METTL9: variants seen among roughly 807,000 people sequenced by gnomAD.
METTL9 encodes the protein protein-L-histidine N-pros-methyltransferase.
In METTL9, 10 loss-of-function variants were observed where a neutral mutation model predicts 36.0. That is an observed-to-expected ratio of 0.28 (90% CI 0.17 to 0.47). METTL9 has a LOEUF of 0.47. Among genes scored for constraint, METTL9 ranks in the 20% least tolerant of loss-of-function variants. The probability of loss-of-function intolerance (pLI) is 0.99; values close to 1 mark genes in which losing one functional copy is unlikely to be tolerated. For synonymous variants in METTL9, 175 were observed against 149.7 expected (o/e 1.17, Z -1.23); for missense variants, 246 against 383.5 (o/e 0.64, Z 3.00).
chr16:21,656,679 A>T lies in METTL9; in HGVS notation c.*1247A>T, dbSNP rs929988244. On this transcript the variant is annotated 3_prime_UTR_variant, in exon 5 of 5. Transcript: ENST00000358154. ...TCCTCACTACTTTATTTCTTTTTTCATCCAGGTGTTTCATTAAGTATTCTC... is the reference window on the plus strand; with the variant it reads ...TCCTCACTACTTTATTTCTTTTTTCTTCCAGGTGTTTCATTAAGTATTCTC... 2 of 152,158 alleles carry T rather than the reference A, an allele frequency of 1.3e-5. No individual in the cohort carries two copies. Among genetic ancestry groups the T allele is most frequent in the African/African-American group, 4.8e-5 (2 of 41,436 alleles). The allele number at this position is 152,158 out of a possible 1,614,324, so 9.4% of individuals were successfully genotyped here.
At chr16:21,644,277 G>C in intron 4 of METTL9, 1 of 1,547,458 alleles carries the variant, frequency 6.5e-7, no homozygotes, top group Non-Finnish European at 8.9e-7. Context: ...CCATGCAAGA[G>C]GATTTGACTT....
intron 4 of METTL9, chr16:21,642,105 T>G (rs1185135636): frequency 6.6e-6 from 1 of 152,226 alleles, no homozygotes; most frequent in Non-Finnish European, 1.5e-5. Context: ...TAGAGAAGAT[T>G]AGCATGGCCC....
At chr16:21,597,255 G>C (rs781001272), upstream of METTL9, 10 of 1,288,848 alleles carry the variant, frequency 7.8e-6, no homozygotes, top group South Asian at 1.1e-4. Flanking sequence ...AAGCTTCTTA[G>C]ATGGATCGAA....
chr16:21,629,665 A>C (rs1192054540), intron 4 of METTL9, among the ~76,000 whole-genome samples: 1 of 152,196 alleles, frequency 6.6e-6, no homozygotes, highest in Admixed American at 6.5e-5. Flanking sequence ...ACGGACCCAA[A>C]GCGTGAGCAG....
intron 4 of METTL9, among the ~76,000 whole-genome samples, chr16:21,631,978 CTCTT>C (rs972545259): frequency 1.3e-5 from 2 of 152,208 alleles, no homozygotes; most frequent in African/African-American, 2.4e-5. Context: ...TTGACTTTGT[CTCTT>C]TCTTTCTTTC....
Position 21,620,452 on chromosome 16 carries a change from C to G in METTL9, c.566+2378C>G, listed in dbSNP as rs562757240. Among the ~76,000 whole-genome samples, 9 of 152,276 alleles carry G rather than the reference C, an allele frequency of 5.9e-5. No homozygotes were observed. In the South Asian group the frequency reaches 1.9e-3, roughly 32 times the overall value. On this transcript the variant is annotated intron_variant, in intron 3 of 4. Transcript: ENST00000358154. ...TTCCACCTCCCCCCCTTAAAAAAAT[C>G]CATGCTTTGAAGTGGGTCGAAGAGG...
chr16:21,626,219 T>G (rs1965811464), intron 4 of METTL9, among the ~76,000 whole-genome samples: 2 of 152,184 alleles, frequency 1.3e-5, no homozygotes. Context: ...ATCTTCAGAT[T>G]TTCTATTTCA....
At chr16:21,630,497 GT>G (rs1401196376) in intron 4 of METTL9, among the ~76,000 whole-genome samples, 1 of 152,228 alleles carries the variant, frequency 6.6e-6, no homozygotes, top group Non-Finnish European at 1.5e-5. Context: ...CTAGCACGTT[GT>G]CACCTCTCAA....
chr16:21,646,699 G>A (rs1020519386), intron 4 of METTL9: 7 of 254,034 alleles, frequency 2.8e-5, no homozygotes, highest in African/African-American at 1.3e-4. Context: ...TTGTTGCCCA[G>A]ACTGGAGTGC....
At chr16:21,627,385 T>G (rs535383367) in intron 4 of METTL9, 4 of 985,152 alleles carry the variant, frequency 4.1e-6, no homozygotes, top group East Asian at 1.1e-4. Context: ...ACAGCAGTTT[T>G]GCTATTTGGA....
chr16:21,634,742 C>T (rs1358862309), intron 4 of METTL9, among the ~76,000 whole-genome samples: 1 of 152,134 alleles, frequency 6.6e-6, no homozygotes, highest in African/African-American at 2.4e-5. Context: ...GATCAATTGA[C>T]CCTTGAGTGA....
upstream of METTL9, chr16:21,599,337 C>T (rs1965027377): frequency 2.0e-5 from 19 of 927,540 alleles, no homozygotes; most frequent in South Asian, 4.5e-5. The surrounding 1 kb of genome is among the most constrained non-coding windows in gnomAD (Gnocchi z 4.4). Flanking sequence ...AAAATTAAAA[C>T]CACCTCCGCC....
At chr16:21,652,725 A>C in intron 4 of METTL9, 1 of 666,270 alleles carries the variant, frequency 1.5e-6, no homozygotes, top group Non-Finnish European at 2.6e-6. Context: ...AACTTTTTGA[A>C]ATTGTGCAAG....
At chr16:21,600,603 T>C (rs1205581577) in intron 1 of METTL9, among the ~76,000 whole-genome samples, 2 of 152,152 alleles carry the variant, frequency 1.3e-5, no homozygotes, top group Non-Finnish European at 2.9e-5. Flanking sequence ...GAAGGGTTTT[T>C]AAAACAGAAC....
At chr16:21,616,459 G>A (rs1027427727) in intron 2 of METTL9, among the ~76,000 whole-genome samples, 2 of 152,178 alleles carry the variant, frequency 1.3e-5, no homozygotes, top group African/African-American at 4.8e-5. Context: ...GAATTTCAGA[G>A]CTAGAAAACA....
intron 4 of METTL9, chr16:21,644,312 A>G: frequency 6.2e-7 from 1 of 1,613,406 alleles, no homozygotes; most frequent in Non-Finnish European, 8.5e-7. Flanking sequence ...TATGAAGGCC[A>G]CGCACACACC....
intron 1 of METTL9, among the ~76,000 whole-genome samples, chr16:21,601,296 T>C (rs1293698674): frequency 1.3e-5 from 2 of 152,194 alleles, no homozygotes; most frequent in Non-Finnish European, 2.9e-5. Flanking sequence ...CCGTTGACTG[T>C]ACAGTTACCA....
chr16:21,647,349 C>T (rs781448340), intron 4 of METTL9: 7 of 1,614,064 alleles, frequency 4.3e-6, no homozygotes, highest in Admixed American at 3.3e-5. Context: ...TGGTGAGCAC[C>T]GTAGCGAAAC....
chr16:21,610,004 T>C (rs1350578929), intron 1 of METTL9, among the ~76,000 whole-genome samples: 1 of 152,168 alleles, frequency 6.6e-6, no homozygotes, highest in Non-Finnish European at 1.5e-5. Context: ...ATAATTCACA[T>C]ACCATGAAAT....
Sources: allele counts gnomAD v4.1 joint callset (sites outside exome capture counted in the v4.1 genomes callset), GRCh38; gene constraint gnomAD v4.1.1; non-coding constraint Gnocchi (gnomAD v3.1); transcripts MANE v1.5; gene names NCBI Gene and HGNC (gene_info 2026-07-23, HGNC 2026-07-21).